Variants in CFAP77 observed in about 807,000 individuals in gnomAD.
The protein encoded by CFAP77 is cilia- and flagella-associated protein 77.
In CFAP77, 25 loss-of-function variants were observed where a neutral mutation model predicts 31.1. That is an observed-to-expected ratio of 0.80 (90% CI 0.59 to 1.12). CFAP77 has a LOEUF of 1.12. Among genes scored for constraint, CFAP77 ranks in the 50% most tolerant of loss-of-function variants. The probability of loss-of-function intolerance (pLI) is 0.00; values close to 1 mark genes in which losing one functional copy is unlikely to be tolerated. For missense variants in CFAP77, 377 were observed against 397.3 expected (o/e 0.95, Z 0.44); for synonymous variants, 151 against 159.9 (o/e 0.94, Z 0.42).
At chr9:132,559,345 G>GAAAAAAAAAAAAAAAAAAAAAAA (rs1852957514) in intron 5 of CFAP77, among the ~76,000 whole-genome samples, 1 of 8,632 alleles carries the variant, frequency 1.2e-4, no homozygotes. Flanking sequence ...ACTCTGTCTT[G>GAAAAAAAAAAAAAAAAAAAAAAA]CAAAAAAAAA....
rs1850283911 is a variant in CFAP77, at chr9:132,424,669, G to A, written c.195+14203G>A. 6.6e-6 allele frequency among the ~76,000 whole-genome samples: 1 copy of A among 152,216 alleles called. No homozygotes were observed. The highest frequency in any genetic ancestry group is 1.5e-5 in the Non-Finnish European group (1 of 68,044). On this transcript the variant is annotated intron_variant, in intron 1 of 5. Transcript: ENST00000393216. The surrounding 1 kb of genome is among the most constrained non-coding windows in gnomAD (Gnocchi z 4.1). ...CGCTCAAGGAGCCTTCACTTTGGGT[G>A]TCACCACTTGAAAGTTTAAAGAAGA...
intron 5 of CFAP77, among the ~76,000 whole-genome samples, chr9:132,570,419 A>C (rs945546315): frequency 1.3e-5 from 2 of 152,214 alleles, no homozygotes; most frequent in African/African-American, 4.8e-5. Context: ...ATTCTGAGGC[A>C]AAACCAAAAA....
Position 132,499,327 on chromosome 9 carries a change from A to C in CFAP77, c.296-45A>C. ...CTCGATCAGCTGCCTCAGGGTGCTTACTCCCAGGCTGACCACTGCCCCGTG... is the reference window on the plus strand; with the variant it reads ...CTCGATCAGCTGCCTCAGGGTGCTTCCTCCCAGGCTGACCACTGCCCCGTG... On this transcript the variant is annotated intron_variant, in intron 2 of 5. Transcript: ENST00000393216. The surrounding 1 kb of genome is among the most constrained non-coding windows in gnomAD (Gnocchi z 5.4). 6.4e-7 allele frequency: 1 copy of C among 1,567,760 alleles called. No homozygotes were observed. Among genetic ancestry groups the C allele is most frequent in the Non-Finnish European group, 8.7e-7 (1 of 1,143,046 alleles).
At chr9:132,556,440 G>C (rs184289817) in intron 5 of CFAP77, among the ~76,000 whole-genome samples, 1 of 152,302 alleles carries the variant, frequency 6.6e-6, no homozygotes, top group East Asian at 1.9e-4. Flanking sequence ...GGCTCAGCTT[G>C]TCAGGGCCTT....
Position 132,531,387 on chromosome 9 carries a change from C to T in CFAP77, c.525-6214C>T, listed in dbSNP as rs1362152128. Among the ~76,000 whole-genome samples, 5 of 152,190 alleles carry T rather than the reference C, an allele frequency of 3.3e-5. No individual in the cohort carries two copies. The East Asian group carries it at 5.8e-4, about 18-fold the overall frequency. On this transcript the variant is annotated intron_variant, in intron 3 of 5. Coordinates refer to ENST00000393216, the MANE Select transcript of CFAP77 (RefSeq NM_001282957.2). The stretch of plus-strand genomic sequence containing the variant: ...TGAGCGCCCCCCGCGTGGGAGGGCG[C>T]CGGACCAGGGCTGTCCTAGGATGGT...
At chr9:132,475,199 A>G (rs1349702956) in intron 1 of CFAP77, among the ~76,000 whole-genome samples, 2 of 152,316 alleles carry the variant, frequency 1.3e-5, no homozygotes, top group East Asian at 3.9e-4. Context: ...CTTTCCAGCA[A>G]ATGTGAGGCC....
At chr9:132,444,631 C>T (rs372445779) in intron 1 of CFAP77, among the ~76,000 whole-genome samples, 2 of 152,132 alleles carry the variant, frequency 1.3e-5, no homozygotes, top group African/African-American at 2.4e-5. Flanking sequence ...CTCCCGAAAT[C>T]GTGCAGTGTT....
At chr9:132,518,700 TG>T (rs1024692165) in intron 3 of CFAP77, among the ~76,000 whole-genome samples, 2 of 152,234 alleles carry the variant, frequency 1.3e-5, no homozygotes, top group African/African-American at 2.4e-5. Flanking sequence ...CCCTGTTCCC[TG>T]TCTGGAGCTC....
chr9:132,489,671 A>G (rs560992394), intron 1 of CFAP77, among the ~76,000 whole-genome samples: 1 of 152,232 alleles, frequency 6.6e-6, no homozygotes, highest in Admixed American at 6.5e-5. Flanking sequence ...CTGTGCAGGG[A>G]GGGTGATCTC....
chr9:132,500,186 A>T (rs1851818765), intron 3 of CFAP77, among the ~76,000 whole-genome samples: 1 of 148,600 alleles, frequency 6.7e-6, no homozygotes, highest in Non-Finnish European at 1.5e-5. Flanking sequence ...CTCTGTCTTC[A>T]TGGAGTGACA....
chr9:132,436,370 G>A (rs1187747398), intron 1 of CFAP77, among the ~76,000 whole-genome samples: 1 of 152,076 alleles, frequency 6.6e-6, no homozygotes, highest in African/African-American at 2.4e-5. Flanking sequence ...GATCCTCAAG[G>A]ATCATCCAGG....
At chr9:132,559,245 C>G (rs1264679073) in intron 5 of CFAP77, among the ~76,000 whole-genome samples, 2 of 145,784 alleles carry the variant, frequency 1.4e-5, no homozygotes, top group African/African-American at 5.2e-5. Flanking sequence ...CTCGGGAGGC[C>G]GAGGCAGAAG....
chr9:132,482,305 C>T (rs557391434), intron 1 of CFAP77: 12 of 1,610,430 alleles, frequency 7.5e-6, no homozygotes, highest in Admixed American at 5.0e-5. Flanking sequence ...GCATTTCTTT[C>T]GTAGGCTGCC....
At chr9:132,431,438 C>A (rs1850410384) in intron 1 of CFAP77, among the ~76,000 whole-genome samples, 1 of 152,098 alleles carries the variant, frequency 6.6e-6, no homozygotes, top group Non-Finnish European at 1.5e-5. Context: ...AGATAATTAT[C>A]CAGATTTAGA....
intron 5 of CFAP77, among the ~76,000 whole-genome samples, chr9:132,563,007 GT>G (rs60538849): frequency 6.6e-6 from 1 of 150,954 alleles, no homozygotes; most frequent in Non-Finnish European, 1.5e-5. Flanking sequence ...CGCAATTGGG[GT>G]TTTTTTGGCT....
intron 1 of CFAP77, among the ~76,000 whole-genome samples, chr9:132,442,652 C>T (rs377741595): frequency 1.3e-5 from 2 of 151,904 alleles, no homozygotes; most frequent in South Asian, 2.1e-4. Flanking sequence ...TAATCATGCC[C>T]ATCTTTTTTT....
At position 132,572,820 on chromosome 9, in the gene CFAP77, A is replaced by C. The variant is rs1208287376; in HGVS notation, c.*310A>C. The C allele has an allele frequency of 2.6e-6, 1 of 382,414 alleles. No homozygotes were observed. The highest frequency in any genetic ancestry group is 6.1e-5 in the South Asian group (1 of 16,442). 23.7% of individuals were successfully genotyped at this position (382,414 alleles called of 1,614,324 possible). ...CCTGCCAAGACAAGCCCAAATTACA[A>C]GACAATTTTTTAGACTCCAGGCTAA... On this transcript the variant is annotated 3_prime_UTR_variant, in exon 6 of 6. Coordinates refer to ENST00000393216, the MANE Select transcript of CFAP77 (RefSeq NM_001282957.2).
chr9:132,498,740 A>G lies in CFAP77; in HGVS notation c.241A>G (p.Ile81Val), dbSNP rs1007460272. 3 of 1,612,632 alleles carry G rather than the reference A, an allele frequency of 1.9e-6. No individual in the cohort carries two copies. The Admixed American group carries it at 5.0e-5, about 27-fold the overall frequency. ...PRERSYSLPGINFNYGLYIRG... is the reference protein window; with the variant it reads ...PRERSYSLPGVNFNYGLYIRG... Reference sequence around the variant, plus strand: ...GGAAAGAAGCTACAGTCTGCCCGGCATTAATTTTAATTATGGACTCTACAT... The same window carrying G: ...GGAAAGAAGCTACAGTCTGCCCGGCGTTAATTTTAATTATGGACTCTACAT... Residue 81 changes from isoleucine to valine, a missense_variant, in exon 2 of 6, where the codon ATT becomes GTT. Transcript: ENST00000393216. This position sits in a 1 kb window ranked among gnomAD's most constrained non-coding sequence, Gnocchi z 4.2.
At chr9:132,560,515 G>C (rs1246380392) in intron 5 of CFAP77, among the ~76,000 whole-genome samples, 1 of 152,194 alleles carries the variant, frequency 6.6e-6, no homozygotes. Flanking sequence ...ACTGGCCTTC[G>C]CTAATCCTTG....
Sources: allele counts gnomAD v4.1 joint callset (sites outside exome capture counted in the v4.1 genomes callset), GRCh38; gene constraint gnomAD v4.1.1; non-coding constraint Gnocchi (gnomAD v3.1); transcripts MANE v1.5; gene names NCBI Gene and HGNC (gene_info 2026-07-23, HGNC 2026-07-21).